The following CMIP variants were observed in gnomAD, a reference collection of about 807,000 sequenced individuals.
CMIP encodes c-Maf inducing protein, also known as C-Maf-inducing protein.
Under a neutral mutation model 97.3 loss-of-function variants are expected in CMIP, and 13 were observed. That is an observed-to-expected ratio of 0.13 (90% CI 0.09 to 0.21). CMIP has a LOEUF of 0.21. Ranked by LOEUF, CMIP falls within the 10% of genes least tolerant of loss-of-function variation. The pLI is 1.00. For synonymous variants in CMIP, 538 were observed against 436.3 expected (o/e 1.23, Z -2.91); for missense variants, 847 against 1,024.9 (o/e 0.83, Z 2.37).
intron 3 of CMIP, chr16:81,651,453 C>T (rs1488808661): frequency 1.1e-6 from 1 of 916,756 alleles, no homozygotes; most frequent in African/African-American, 1.8e-5. Flanking sequence ...TCTTCCTCAC[C>T]AGGTGGATGC....
intron 1 of CMIP, among the ~76,000 whole-genome samples, chr16:81,554,992 A>G (rs2090733443): frequency 6.6e-6 from 1 of 152,096 alleles, no homozygotes; most frequent in South Asian, 2.1e-4. Context: ...GTCCCTGGTA[A>G]GTCTGCCTCG....
intron 1 of CMIP, among the ~76,000 whole-genome samples, chr16:81,565,624 A>C (rs1170218057): frequency 6.6e-6 from 1 of 152,282 alleles, no homozygotes; most frequent in African/African-American, 2.4e-5. Context: ...GGGTCCTAGT[A>C]CACACATGGC....
chr16:81,684,157 G>A (rs1239849452), intron 10 of CMIP, among the ~76,000 whole-genome samples: 2 of 152,014 alleles, frequency 1.3e-5, no homozygotes, highest in Non-Finnish European at 2.9e-5. Flanking sequence ...TGTGCTGTGG[G>A]GCCTGGGAAG....
chr16:81,605,094 C>T (rs1378979024), intron 1 of CMIP, among the ~76,000 whole-genome samples: 1 of 152,166 alleles, frequency 6.6e-6, no homozygotes, highest in Non-Finnish European at 1.5e-5. Context: ...AACCAACCAC[C>T]AAGCCCTGGC....
At chr16:81,550,446 T>A (rs915865584) in intron 1 of CMIP, among the ~76,000 whole-genome samples, 8 of 152,148 alleles carry the variant, frequency 5.3e-5, no homozygotes, top group African/African-American at 1.9e-4. Context: ...GTCGCAGGGC[T>A]TTAGTTGCTT....
At chr16:81,612,576 A>G (rs1029305753) in intron 2 of CMIP, among the ~76,000 whole-genome samples, 2 of 152,178 alleles carry the variant, frequency 1.3e-5, no homozygotes. Flanking sequence ...GGGAGCTTGG[A>G]AAAGGTCGCT....
At chr16:81,536,752 T>C (rs1419186483) in intron 1 of CMIP, among the ~76,000 whole-genome samples, 1 of 152,000 alleles carries the variant, frequency 6.6e-6, no homozygotes, top group Non-Finnish European at 1.5e-5. Context: ...GCACTGCTTG[T>C]CTTTTTTTTT....
At chr16:81,601,789 C>G (rs1383593515) in intron 1 of CMIP, among the ~76,000 whole-genome samples, 2 of 152,184 alleles carry the variant, frequency 1.3e-5, no homozygotes, top group Non-Finnish European at 2.9e-5. Flanking sequence ...TCTCCAATAC[C>G]CTCTGGGCAC....
chr16:81,670,102 C>T, intron 7 of CMIP, 40 bp from the exon 8 acceptor site: 1 of 1,572,648 alleles, frequency 6.4e-7, no homozygotes. Flanking sequence ...CCTGCCCTGC[C>T]TAGCACCGTC....
intron 3 of CMIP, among the ~76,000 whole-genome samples, chr16:81,628,214 G>A (rs373440008): frequency 1.3e-4 from 20 of 152,192 alleles, no homozygotes; most frequent in African/African-American, 3.6e-4. Flanking sequence ...CCCCTGGGTC[G>A]CCTCCTGGTC....
intron 2 of CMIP, among the ~76,000 whole-genome samples, chr16:81,612,258 C>G (rs985942083): frequency 1.3e-5 from 2 of 152,152 alleles, no homozygotes; most frequent in Admixed American, 6.5e-5. Context: ...TAGACAGAGC[C>G]GCTGCTCCAC....
intron 1 of CMIP, among the ~76,000 whole-genome samples, chr16:81,530,557 G>A (rs1390309545): frequency 6.6e-6 from 1 of 152,036 alleles, no homozygotes; most frequent in African/African-American, 2.4e-5. Flanking sequence ...CAGTTCACTC[G>A]AGTCTCTTGC....
intron 11 of CMIP, among the ~76,000 whole-genome samples, chr16:81,692,720 C>G (rs1906237213): frequency 2.0e-5 from 3 of 152,328 alleles, no homozygotes; most frequent in Admixed American, 6.5e-5. Flanking sequence ...GTCCCCGTCC[C>G]CATAGGCCTG....
chr16:81,457,952 C>A (rs1906664288), intron 1 of CMIP, among the ~76,000 whole-genome samples: 1 of 152,246 alleles, frequency 6.6e-6, no homozygotes, highest in African/African-American at 2.4e-5. Flanking sequence ...ACTGACCTCC[C>A]CCTCGCTGTC....
intron 1 of CMIP, among the ~76,000 whole-genome samples, chr16:81,565,637 C>T (rs2090966175): frequency 6.6e-6 from 1 of 152,186 alleles, no homozygotes; most frequent in Non-Finnish European, 1.5e-5. Context: ...CACATGGCAG[C>T]CTCCTGTGGT....
At chr16:81,640,152 G>T (rs1371173884) in intron 3 of CMIP, among the ~76,000 whole-genome samples, 1 of 152,130 alleles carries the variant, frequency 6.6e-6, no homozygotes, top group Non-Finnish European at 1.5e-5. Flanking sequence ...GATGATGCAG[G>T]TGCCCAGGTG....
At chr16:81,709,713 A>G in intron 20 of CMIP, 33 bp from the exon 21 acceptor site, 2 of 1,612,914 alleles carry the variant, frequency 1.2e-6, no homozygotes, top group Non-Finnish European at 1.7e-6. Flanking sequence ...GGAATGGCCT[A>G]CACGTGACAA....
chr16:81,476,374 T>G, intron 1 of CMIP: 1 of 1,259,508 alleles, frequency 7.9e-7, no homozygotes, highest in Non-Finnish European at 1.2e-6. Flanking sequence ...GCAGGAACCC[T>G]TATAACCAAC....
intron 1 of CMIP, among the ~76,000 whole-genome samples, chr16:81,538,663 A>G (rs1022984170): frequency 6.6e-6 from 1 of 152,214 alleles, no homozygotes; most frequent in Non-Finnish European, 1.5e-5. Flanking sequence ...ATCCTCTGCC[A>G]TTTAAGCCAA....
Sources: allele counts gnomAD v4.1 joint callset (sites outside exome capture counted in the v4.1 genomes callset), GRCh38; gene constraint gnomAD v4.1.1; transcripts MANE v1.5; gene names NCBI Gene and HGNC (gene_info 2026-07-23, HGNC 2026-07-21).